ZNF559: variants seen among roughly 807,000 people sequenced by gnomAD.
ZNF559 encodes the protein putative protein product of Nbla00121.
In ZNF559, 17 loss-of-function variants were observed where a neutral mutation model predicts 14.2. The ratio of observed to expected loss-of-function variants is 1.20; its 90% CI spans 0.82 to 1.80. ZNF559 has a LOEUF of 1.80. Ranked by LOEUF, ZNF559 falls within the 40% of genes most tolerant of loss-of-function variation. The pLI is 0.00. For synonymous variants in ZNF559, 244 were observed against 212.4 expected (o/e 1.15, Z -1.29); for missense variants, 740 against 629.7 (o/e 1.18, Z -1.88).
At chr19:9,335,750 G>T (rs1483436769) in intron 2 of ZNF559, among the ~76,000 whole-genome samples, 1 of 152,160 alleles carries the variant, frequency 6.6e-6, no homozygotes, top group Non-Finnish European at 1.5e-5. Context: ...GCCCAGGCTG[G>T]TCTCAAACTT....
At chr19:9,338,155 G>A (rs2067343832) in intron 3 of ZNF559, 1 of 783,386 alleles carries the variant, frequency 1.3e-6, no homozygotes, top group Non-Finnish European at 2.1e-6. Context: ...CGAATATTCT[G>A]TGGTCTAAAT....
rs1433042121 is a variant in ZNF559, at chr19:9,339,291, G to A, written c.132G>A (p.Leu44=). 4.3e-6 allele frequency: 7 copies of A among 1,613,608 alleles called. No individual in the cohort carries two copies. The highest frequency in any genetic ancestry group is 5.1e-6 in the Non-Finnish European group (6 of 1,179,762). ...TQRNLYRDVM[L]ENYKNLVAVD... is the part of the protein sequence containing the mutation. ...GAAACTTATACAGAGATGTGATGCT[G>A]GAGAACTATAAGAATCTAGTTGCAG... The change falls in exon 5 of 7, where the codon CTG becomes CTA. Residue 44 remains leucine, a synonymous_variant. Transcript: ENST00000603380.
Position 9,343,001 on chromosome 19 carries a change from T to C in ZNF559, c.1550T>C (p.Val517Ala). 3 of 1,614,198 alleles carry C rather than the reference T, an allele frequency of 1.9e-6. No individual in the cohort carries two copies. Among genetic ancestry groups the C allele is most frequent in the Middle Eastern group, 1.6e-4 (1 of 6,062 alleles). ...YLIRHLRSHS[V>A]EKPYKECGQT... ...ATTCGACATCTAAGAAGTCATAGTG[T>C]GGAGAAACCATATAAGGAATGTGGG... Residue 517 changes from valine (V) to alanine (A), a missense_variant, in exon 7 of 7, where the codon GTG (valine) becomes GCG (alanine). Transcript: ENST00000603380.
chr19:9,324,620 C>G, intron 1 of ZNF559, 75 bp from the exon 2 acceptor site: 2 of 476,182 alleles, frequency 4.2e-6, no homozygotes, highest in Non-Finnish European at 5.8e-6. Flanking sequence ...ATAGGGAGAC[C>G]CCCCCCCCCA....
intron 2 of ZNF559, among the ~76,000 whole-genome samples, chr19:9,328,910 A>G (rs2066786544): frequency 6.6e-6 from 1 of 152,200 alleles, no homozygotes. Context: ...AAAGTGGGAT[A>G]TTTCAGTCTT....
chr19:9,337,976 G>A (rs1326300970), intron 3 of ZNF559, 118 bp downstream of exon 3: 1 of 1,536,092 alleles, frequency 6.5e-7, no homozygotes, highest in Non-Finnish European at 8.7e-7. Context: ...ACATTTCACT[G>A]TTAGACTCAC....
At position 9,342,099 on chromosome 19, in the gene ZNF559, G is replaced by C; in HGVS notation, c.648G>C (p.Lys216Asn). Residue 216 changes from lysine (K) to asparagine (N), a missense_variant, in exon 7 of 7, where the codon AAG becomes AAC. Lys to Asn is a moderately conservative substitution (Grantham distance 94). Transcript: ENST00000603380. The stretch of plus-strand genomic sequence containing the variant: ...GTGGAGAGAGACCATATACTCATAA[G>C]GAGTATGTCGAAACCTTTTCTCATT... The part of the protein sequence containing the change: ...IYGGERPYTH[K>N]EYVETFSHST... The C allele has an allele frequency of 6.2e-7, 1 of 1,613,354 alleles. No homozygotes were observed. Among genetic ancestry groups the C allele is most frequent in the South Asian group, 1.1e-5 (1 of 90,880 alleles).
chr19:9,342,699 A>T lies in ZNF559; in HGVS notation c.1248A>T (p.Lys416Asn). The T allele has an allele frequency of 6.2e-7, 1 of 1,614,216 alleles. No individual in the cohort carries two copies. The highest frequency in any genetic ancestry group is 8.5e-7 in the Non-Finnish European group (1 of 1,180,044). ...CCTATGACTGTCAACAGTGTGGGAA[A>T]GCCTTCATTCGATCCTCATTTCTTA... ...VKPYDCQQCG[K>N]AFIRSSFLIR... Residue 416 changes from lysine (K) to asparagine (N), a missense_variant, in exon 7 of 7, where the codon AAA (lysine) becomes AAT (asparagine). Lys to Asn is a moderately conservative substitution (Grantham distance 94, BLOSUM62 0). Transcript: ENST00000603380.
chr19:9,339,853 C>G (rs1002269911), intron 5 of ZNF559, among the ~76,000 whole-genome samples: 1 of 150,500 alleles, frequency 6.6e-6, no homozygotes, highest in African/African-American at 2.4e-5. Flanking sequence ...ACTGCAAGCT[C>G]CGCCTCCCGG....
chr19:9,328,890 C>T (rs769645949), intron 2 of ZNF559, among the ~76,000 whole-genome samples: 6 of 151,972 alleles, frequency 3.9e-5, no homozygotes, highest in Non-Finnish European at 7.4e-5. Context: ...TTACATAAGC[C>T]CTCCAGGTGA....
chr19:9,326,270 C>T (rs983892714), intron 2 of ZNF559, among the ~76,000 whole-genome samples: 9 of 151,992 alleles, frequency 5.9e-5, no homozygotes, highest in Admixed American at 1.3e-4. Flanking sequence ...CCACCACGCC[C>T]GGCTAATTGT....
chr19:9,345,665 T>TTTA lies in ZNF559; in HGVS notation c.*2598_*2599insTAT, dbSNP rs1213552327. 1 of 151,094 alleles carries TTTA rather than the reference T, an allele frequency of 6.6e-6. No homozygotes were observed. Among genetic ancestry groups the TTTA allele is most frequent in the Non-Finnish European group, 1.5e-5 (1 of 67,774 alleles). 9.4% of individuals were successfully genotyped at this position (151,094 alleles called of 1,614,324 possible). A position where few individuals can be genotyped will look rare whatever the true frequency, so the allele number is the denominator to read the frequency against. On this transcript the variant is annotated 3_prime_UTR_variant, in exon 7 of 7. Coordinates refer to ENST00000603380, the MANE Select transcript of ZNF559 (RefSeq NM_032497.3). ...ATTTTTTATTTATTTTTATTTTTTT[T>TTTA]TATATAGAGACAGGGTTTTACTCTG...
At chr19:9,333,347 A>G (rs2067039296) in intron 2 of ZNF559, among the ~76,000 whole-genome samples, 1 of 152,208 alleles carries the variant, frequency 6.6e-6, no homozygotes, top group South Asian at 2.1e-4. Flanking sequence ...GTAAATACAT[A>G]TATAATTTAA....
rs1024528394 is a variant in ZNF559 at position 9,328,265 on chromosome 19, T to G, written c.-120+3485T>G. Reference sequence around the variant, plus strand: ...TTTCTTTTTGTCCTTACTAAGGATATAAAGTTCAAACATTTGCTTGAACTC... The same window carrying G: ...TTTCTTTTTGTCCTTACTAAGGATAGAAAGTTCAAACATTTGCTTGAACTC... On this transcript the variant is annotated intron_variant, in intron 2 of 6. Transcript: ENST00000603380. 2.0e-5 allele frequency among the ~76,000 whole-genome samples: 3 copies of G among 151,836 alleles called. No individual in the cohort carries two copies. The South Asian group carries it at 6.2e-4, about 32-fold the overall frequency.
intron 2 of ZNF559, among the ~76,000 whole-genome samples, chr19:9,335,226 C>T (rs1435155138): frequency 1.3e-5 from 2 of 152,078 alleles, no homozygotes; most frequent in Non-Finnish European, 2.9e-5. Flanking sequence ...CGCTTGAGCC[C>T]AGGAGTTCAA....
Position 9,342,334 on chromosome 19 carries a change from A to T in ZNF559, c.883A>T (p.Lys295Ter), listed in dbSNP as rs1047703612. The change falls in exon 7 of 7, where the codon AAA becomes TAA. Residue 295 changes from lysine to a stop codon, truncating the protein, a stop_gained. Coordinates refer to ENST00000603380, the MANE Select transcript of ZNF559 (RefSeq NM_032497.3). LOFTEE classifies it low-confidence loss of function (END_TRUNC). ...ACATATAAGACTTAGAACTAGAGGA[A>T]AACACTATGTTTGTAATGAATGTGG... ...AKHIRLRTRG[K>*]HYVCNECGKE... 9.4e-6 allele frequency: 15 copies of T among 1,602,856 alleles called. No individual in the cohort carries two copies. Among genetic ancestry groups the T allele is most frequent in the Non-Finnish European group, 1.3e-5 (15 of 1,175,880 alleles).
upstream of ZNF559, chr19:9,324,069 T>G: frequency 4.6e-6 from 6 of 1,311,674 alleles, no homozygotes; most frequent in Non-Finnish European, 5.3e-6. Context: ...GCATTTCCTC[T>G]CAGCTCTGGG....
At chr19:9,324,569 G>C in intron 1 of ZNF559, 126 bp from the exon 2 acceptor site, 1 of 1,179,240 alleles carries the variant, frequency 8.5e-7, no homozygotes, top group Middle Eastern at 2.4e-4. Context: ...TTGGGTAGGA[G>C]GATTACTTGA....
rs1365695819 is a variant in ZNF559, at chr19:9,345,584, C to T, written c.*2516C>T. The T allele has an allele frequency of 6.6e-6, 1 of 151,934 alleles. No homozygotes were observed. Among genetic ancestry groups the T allele is most frequent in the Non-Finnish European group, 1.5e-5 (1 of 67,956 alleles). 9.4% of individuals were successfully genotyped at this position (151,934 alleles called of 1,614,324 possible). A position where few individuals can be genotyped will look rare whatever the true frequency, so the allele number is the denominator to read the frequency against. On this transcript the variant is annotated 3_prime_UTR_variant, in exon 7 of 7. Transcript: ENST00000603380. Reference sequence around the variant, plus strand: ...ATGGTTTCACGTGCTTACTGGCCTTCTTTAAGCCTTTGGGGAAGAGTCTGT... The same window carrying T: ...ATGGTTTCACGTGCTTACTGGCCTTTTTTAAGCCTTTGGGGAAGAGTCTGT...
Sources: gnomAD v4.1 joint callset for allele counts (sites outside exome capture counted in the v4.1 genomes callset) on GRCh38, gnomAD v4.1.1 for gene constraint, MANE v1.5 for transcripts, NCBI Gene and HGNC (gene_info 2026-07-23, HGNC 2026-07-21) for gene names.